DHX40: variants seen among roughly 807,000 people sequenced by gnomAD.
DHX40 encodes DEAH-box helicase 40.
DHX40 carries 28 observed loss-of-function variants against 89.6 expected under a neutral mutation model. The observed-to-expected ratio is 0.31, with a 90% CI of 0.23 to 0.43. The LOEUF (loss-of-function observed/expected upper bound fraction) is 0.43. Among genes scored for constraint, DHX40 ranks in the 20% least tolerant of loss-of-function variants. The pLI, the probability that DHX40 is intolerant of heterozygous loss-of-function variation, is 1.00. For synonymous variants in DHX40, 226 were observed against 283.6 expected (o/e 0.80, Z 2.04); for missense variants, 457 against 844.0 (o/e 0.54, Z 5.68).
At chr17:59,572,635 A>G (rs563408168) in intron 3 of DHX40, among the ~76,000 whole-genome samples, 2 of 152,056 alleles carry the variant, frequency 1.3e-5, no homozygotes, top group Non-Finnish European at 2.9e-5. Flanking sequence ...CACCTCAGCA[A>G]CCCAAAGTGC....
intron 11 of DHX40, among the ~76,000 whole-genome samples, chr17:59,587,390 A>AT (rs1454748825): frequency 6.7e-6 from 1 of 149,140 alleles, no homozygotes; most frequent in Non-Finnish European, 1.5e-5. Context: ...TGCCCAGGTA[A>AT]TTTTTTTATA....
In DHX40 at chr17:59,588,021, T is replaced by C. The variant is rs2049023766; in HGVS notation, c.1550T>C (p.Met517Thr). The change falls in exon 12 of 18, where the codon ATG becomes ACG. Residue 517 changes from methionine to threonine, a missense_variant. Physicochemically the swap from Met to Thr is moderately conservative, Grantham distance 81. This residue lies in a region of DHX40 where 19 missense variants were observed against 24.2 expected (regional missense o/e 0.78). Coordinates refer to ENST00000251241, the MANE Select transcript of DHX40 (RefSeq NM_024612.5). ...GATCTACTACTTCCAATAGCAGCAA[T>C]GTTGTCTGTGGAAAACGTCTTCATT... ...CEDLLLPIAA[M>T]LSVENVFIRP... 1 of 1,613,694 alleles carries C rather than the reference T, an allele frequency of 6.2e-7. No homozygotes were observed. The highest frequency in any genetic ancestry group is 8.5e-7 in the Non-Finnish European group (1 of 1,179,778).
At chr17:59,574,492 G>GTATA (rs904421170) in intron 6 of DHX40, among the ~76,000 whole-genome samples, 8 of 151,308 alleles carry the variant, frequency 5.3e-5, no homozygotes, top group African/African-American at 1.9e-4. Context: ...ATAATAGTAT[G>GTATA]TATATATATT....
chr17:59,591,640 C>T (rs2049083938), intron 12 of DHX40, among the ~76,000 whole-genome samples: 1 of 151,006 alleles, frequency 6.6e-6, no homozygotes, highest in Admixed American at 6.6e-5. Context: ...AAAGGAATTC[C>T]TTTATACCTT....
chr17:59,565,788 GGT>G lies in DHX40; in HGVS notation c.112+6_112+7del. On this transcript the variant is annotated splice_donor_region_variant and intron_variant, in intron 1 of 17. Coordinates refer to ENST00000251241, the MANE Select transcript of DHX40 (RefSeq NM_024612.5). ...CTGTTTGCATCGCCGATAGAGGTGCGGTCCGCGGGACGGTACGGAAGCCAGCG... is the reference window on the plus strand; with the variant it reads ...CTGTTTGCATCGCCGATAGAGGTGCGCCGCGGGACGGTACGGAAGCCAGCG... 6.3e-7 allele frequency: 1 copy of G among 1,596,378 alleles called. No homozygotes were observed. Among genetic ancestry groups the G allele is most frequent in the South Asian group, 1.1e-5 (1 of 90,370 alleles).
rs926993329 is a variant in DHX40 at position 59,601,070 on chromosome 17, G to A, written c.1807-1452G>A. On this transcript the variant is annotated intron_variant, in intron 14 of 17. Transcript: ENST00000251241. Reference sequence around the variant, plus strand: ...TATAATCCTAGCACTTTGGGAAGCCGTAGTGTGGGGATCACTTGAGCCCAG... The same window carrying A: ...TATAATCCTAGCACTTTGGGAAGCCATAGTGTGGGGATCACTTGAGCCCAG... Among the ~76,000 whole-genome samples, 10 of 150,898 alleles carry A rather than the reference G, an allele frequency of 6.6e-5. No homozygotes were observed. In the East Asian group the frequency reaches 9.7e-4, roughly 15 times the overall value.
intron 14 of DHX40, among the ~76,000 whole-genome samples, chr17:59,601,851 G>C (rs1470415242): frequency 6.6e-6 from 1 of 152,134 alleles, no homozygotes; most frequent in Non-Finnish European, 1.5e-5. Context: ...GCTCAGTGCA[G>C]GGCTAGTTAT....
At chr17:59,574,048 C>G in intron 5 of DHX40, 81 bp downstream of exon 5, 2 of 875,040 alleles carry the variant, frequency 2.3e-6, no homozygotes, top group Non-Finnish European at 3.3e-6. Context: ...TTCATTTGTT[C>G]ACTACTATTT....
Position 59,587,977 on chromosome 17 carries a change from T to C in DHX40, c.1506T>C (p.Ala502=). ...ATCTGACATGTGCAGTAATAAAAGC[T>C]GCTTCCCTGGATTGTGAAGATCTAC... ...PPHLTCAVIK[A]ASLDCEDLLL... The change falls in exon 12 of 18, where the codon GCT becomes GCC. Residue 502 remains alanine, a synonymous_variant. Transcript: ENST00000251241. 1.2e-6 allele frequency: 2 copies of C among 1,613,788 alleles called. No homozygotes were observed. Among genetic ancestry groups the C allele is most frequent in the Non-Finnish European group, 1.7e-6 (2 of 1,179,810 alleles).
At position 59,567,945 on chromosome 17, in the gene DHX40, A is replaced by T. The variant is rs59294823; in HGVS notation, c.280+1151A>T. Among the ~76,000 whole-genome samples, 381 of 150,748 alleles carry T rather than the reference A, an allele frequency of 2.5e-3. 2 individuals are homozygous for T. The highest frequency in any genetic ancestry group is 6.5e-3 in the South Asian group (31 of 4,762). ...AGACTCCGTCTCCAAAAAAAAAAAA[A>T]TTTTTTAGGCCGGGCGCAGTGGCTC... is the stretch of plus-strand genomic sequence containing the variant. On this transcript the variant is annotated intron_variant, in intron 2 of 17. Transcript: ENST00000251241.
chr17:59,593,990 T>C (rs1200768197), intron 12 of DHX40, among the ~76,000 whole-genome samples: 1 of 151,264 alleles, frequency 6.6e-6, no homozygotes, highest in Non-Finnish European at 1.5e-5. Flanking sequence ...CCTTTTACTG[T>C]TGAATCTGTG....
intron 11 of DHX40, among the ~76,000 whole-genome samples, chr17:59,586,925 G>A (rs1050579838): frequency 6.6e-5 from 10 of 152,052 alleles, no homozygotes; most frequent in African/African-American, 1.7e-4. Context: ...AGGCCAAGGC[G>A]AGCAGATTGC....
rs563253489 is a variant in DHX40 at position 59,571,607 on chromosome 17, T to C, written c.426+944T>C. On this transcript the variant is annotated intron_variant, in intron 3 of 17. Transcript: ENST00000251241. ...GCCTCTGGTAACTTCTTTTTTTTTT[T>C]TGAGACGAAGTCTCACACCATTGCC... 2.0e-4 allele frequency among the ~76,000 whole-genome samples: 30 copies of C among 151,942 alleles called. No homozygotes were observed. The South Asian group carries it at 6.0e-3, about 31-fold the overall frequency.
At chr17:59,576,977 C>G (rs527439977) in intron 7 of DHX40, 5 of 359,688 alleles carry the variant, frequency 1.4e-5, no homozygotes, top group Admixed American at 4.1e-5. Context: ...TCAAGCAATT[C>G]TCCTGCCTCA....
At chr17:59,601,881 G>A (rs2030549121) in intron 14 of DHX40, among the ~76,000 whole-genome samples, 1 of 152,126 alleles carries the variant, frequency 6.6e-6, no homozygotes, top group Non-Finnish European at 1.5e-5. Flanking sequence ...CTGAGGCAAG[G>A]CCCATCTGAG....
intron 15 of DHX40, chr17:59,604,866 A>C (rs2030748365): frequency 2.6e-6 from 1 of 385,230 alleles, no homozygotes; most frequent in South Asian, 5.8e-5. Flanking sequence ...ATTATTGTTA[A>C]TATTTGTACT....
intron 10 of DHX40, among the ~76,000 whole-genome samples, chr17:59,585,229 G>A (rs1406024236): frequency 2.2e-5 from 2 of 90,648 alleles, no homozygotes; most frequent in African/African-American, 5.2e-5. Context: ...GTGAAACCCC[G>A]CCTCTACTAA....
rs1324309651 is a variant in DHX40 at position 59,607,115 on chromosome 17, T to C, written c.2283T>C (p.Leu761=). ...TATCTGATGCACGGGCTCGTTTCCT[T>C]GAGAGAAAGCAGCAGAGGACCCAGG... ...KSISDARARF[L]ERKQQRTQDH... The change falls in exon 18 of 18, where the codon CTT becomes CTC. Residue 761 remains leucine (L), a synonymous_variant. Transcript: ENST00000251241. 3 of 1,614,090 alleles carry C rather than the reference T, an allele frequency of 1.9e-6. No individual in the cohort carries two copies.
intron 3 of DHX40, among the ~76,000 whole-genome samples, chr17:59,572,270 T>G (rs1473096541): frequency 6.6e-6 from 1 of 152,256 alleles, no homozygotes; most frequent in African/African-American, 2.4e-5. Context: ...TCTTTTTGCC[T>G]TCCTAGTGGT....
Sources: allele counts gnomAD v4.1 joint callset (sites outside exome capture counted in the v4.1 genomes callset), GRCh38; gene constraint gnomAD v4.1.1; regional missense constraint gnomAD v4.1.1; transcripts MANE v1.5; gene names NCBI Gene and HGNC (gene_info 2026-07-23, HGNC 2026-07-21).